TTLL5: variants seen among roughly 807,000 people sequenced by gnomAD.
The protein encoded by TTLL5 is tubulin tyrosine ligase like 5.
Under a neutral mutation model 168.4 loss-of-function variants are expected in TTLL5, and 132 were observed. The observed-to-expected ratio is 0.78, with a 90% CI of 0.68 to 0.91. The LOEUF (loss-of-function observed/expected upper bound fraction) is 0.91. Among genes scored for constraint, TTLL5 ranks in the 40% least tolerant of loss-of-function variants. The pLI, the probability that TTLL5 is intolerant of heterozygous loss-of-function variation, is 0.00. For missense variants in TTLL5, 1,545 were observed against 1,581.5 expected (o/e 0.98, Z 0.39); for synonymous variants, 546 against 558.6 (o/e 0.98, Z 0.32).
intron 31 of TTLL5, among the ~76,000 whole-genome samples, chr14:75,931,998 A>G (rs533584799): frequency 6.6e-6 from 1 of 152,356 alleles, no homozygotes; most frequent in South Asian, 2.1e-4. Context: ...AGTACTGGGC[A>G]TATAGTAGGT....
At chr14:75,804,258 A>G (rs1210899383) in intron 27 of TTLL5, among the ~76,000 whole-genome samples, 1 of 152,234 alleles carries the variant, frequency 6.6e-6, no homozygotes, top group Non-Finnish European at 1.5e-5. Flanking sequence ...TCCTAGAGAA[A>G]GATAGATGCG....
At chr14:75,735,113 G>T in intron 14 of TTLL5, 82 bp from the exon 15 acceptor site, 1 of 1,264,408 alleles carries the variant, frequency 7.9e-7, no homozygotes, top group Non-Finnish European at 1.2e-6. Flanking sequence ...AACTGAGTTT[G>T]TGTATCTAAA....
chr14:75,873,149 T>TTGCAAGCTCCGCCTCCCG (rs1566639978), intron 29 of TTLL5, among the ~76,000 whole-genome samples: 1 of 150,870 alleles, frequency 6.6e-6, no homozygotes, highest in East Asian at 2.0e-4. Context: ...TCTCGGCTCA[T>TTGCAAGCTCCGCCTCCCG]TGCAAGCTCC....
chr14:75,917,160 GA>G (rs1419932546), intron 31 of TTLL5, among the ~76,000 whole-genome samples: 18 of 152,220 alleles, frequency 1.2e-4, no homozygotes, highest in African/African-American at 3.9e-4. Flanking sequence ...CTGTACACTT[GA>G]AATTGTTAGG....
chr14:75,892,759 A>G (rs1243756351), intron 30 of TTLL5, among the ~76,000 whole-genome samples: 1 of 152,174 alleles, frequency 6.6e-6, no homozygotes, highest in Non-Finnish European at 1.5e-5. Flanking sequence ...CTGTCTTTAT[A>G]TGAGACTATG....
intron 30 of TTLL5, among the ~76,000 whole-genome samples, chr14:75,892,702 C>CT (rs762645923): frequency 4.6e-5 from 7 of 152,148 alleles, no homozygotes; most frequent in Non-Finnish European, 7.4e-5. Flanking sequence ...GCAGTGTGCC[C>CT]TCCTAATGGG....
chr14:75,796,459 T>A (rs117378362), intron 27 of TTLL5, among the ~76,000 whole-genome samples: 1,888 of 152,316 alleles, frequency 0.012, 15 homozygotes, highest in South Asian at 0.026. Flanking sequence ...TTGTTTTTGT[T>A]GCATTTGCTT....
chr14:75,925,031 G>C (rs1244695177), intron 31 of TTLL5, among the ~76,000 whole-genome samples: 3 of 148,714 alleles, frequency 2.0e-5, no homozygotes, highest in Non-Finnish European at 4.5e-5. Flanking sequence ...TCCCAGTAGG[G>C]GCGGCCGGGC....
chr14:75,721,109 CT>C (rs1346852329), intron 12 of TTLL5, among the ~76,000 whole-genome samples: 3 of 152,154 alleles, frequency 2.0e-5, no homozygotes, highest in Non-Finnish European at 4.4e-5. Flanking sequence ...ATGACTCCTC[CT>C]TTTTGTTTGA....
In TTLL5 at chr14:75,820,069, C is replaced by G. The variant is rs762894054; in HGVS notation, c.3234C>G (p.Thr1078=). 1 of 1,610,110 alleles carries G rather than the reference C, an allele frequency of 6.2e-7. No homozygotes were observed. Among genetic ancestry groups the G allele is most frequent in the Non-Finnish European group, 8.5e-7 (1 of 1,178,426 alleles). The change falls in exon 28 of 32, where the codon ACC becomes ACG. Residue 1078 remains threonine, a synonymous_variant. Coordinates refer to ENST00000298832, the MANE Select transcript of TTLL5 (RefSeq NM_015072.5). The stretch of plus-strand genomic sequence containing the variant: ...GAAGCAGTGCTTCAGCTCCCCCAAC[C>G]CTCCGACCCATCATCAGTCCTAGTG... The part of the protein sequence containing the change: ...INRSSASAPP[T]LRPIISPSGP...
At chr14:75,664,596 G>GA (rs1402984301) in intron 2 of TTLL5, among the ~76,000 whole-genome samples, 1 of 152,098 alleles carries the variant, frequency 6.6e-6, no homozygotes, top group Non-Finnish European at 1.5e-5. Flanking sequence ...CTTGTAATTT[G>GA]AAAAAAATTG....
chr14:75,718,052 A>G, intron 10 of TTLL5, 90 bp downstream of exon 10: 1 of 1,085,346 alleles, frequency 9.2e-7, no homozygotes, highest in Non-Finnish European at 1.4e-6. Context: ...GCACTGGAGG[A>G]CAACTTTACA....
rs748140679 is a variant in TTLL5 at position 75,735,187 on chromosome 14, C to T, written c.1187-8C>T. On this transcript the variant is annotated splice_region_variant and splice_polypyrimidine_tract_variant and intron_variant, in intron 14 of 31. Coordinates refer to ENST00000298832, the MANE Select transcript of TTLL5 (RefSeq NM_015072.5). ...GGCAGGTTTTAATGTTGCCCATTCC[C>T]CATTCAGGATTTGTGTGCCAAGATC... 1.9e-4 allele frequency: 309 copies of T among 1,614,000 alleles called. No individual in the cohort carries two copies. Among genetic ancestry groups the T allele is most frequent in the Middle Eastern group, 1.7e-3 (10 of 6,060 alleles).
chr14:75,904,267 A>G (rs1282387045), intron 31 of TTLL5: 1 of 1,116,508 alleles, frequency 9.0e-7, no homozygotes, highest in East Asian at 7.6e-5. Flanking sequence ...TATTTTTAAG[A>G]AAGTAAACCT....
intron 12 of TTLL5, chr14:75,727,797 T>A: frequency 2.0e-6 from 1 of 490,384 alleles, no homozygotes; most frequent in Non-Finnish European, 4.1e-6. Context: ...TTATGTGAAA[T>A]TCTAGAATAA....
rs1324798326 is a variant in TTLL5, at chr14:75,681,622, C to CAT, written c.260_261dup (p.Glu88MetfsTer12). 22 of 1,612,828 alleles carry CAT rather than the reference C, an allele frequency of 1.4e-5. No homozygotes were observed. The highest frequency in any genetic ancestry group is 1.8e-5 in the Non-Finnish European group (21 of 1,179,734). On this transcript the variant is annotated frameshift_variant, in exon 4 of 32. Transcript: ENST00000298832. LOFTEE classifies it high-confidence loss of function. Reference sequence around the variant, plus strand: ...CAGCATTCTGACAGCCCATGGATTTCATGAAGTAAGTTTATTTTTAATACC... The same window carrying CAT: ...CAGCATTCTGACAGCCCATGGATTTCATATGAAGTAAGTTTATTTTTAATACC...
chr14:75,941,326 G>A (rs1271980261), intron 31 of TTLL5: 3 of 152,194 alleles, frequency 2.0e-5, no homozygotes, highest in African/African-American at 7.2e-5. Context: ...AAGGTGAGGG[G>A]CAGCAGGTTG....
chr14:75,773,491 G>A (rs7161217), intron 21 of TTLL5, among the ~76,000 whole-genome samples: 115,845 of 152,052 alleles, frequency 0.76, 44,405 homozygotes, highest in Admixed American at 0.81. Context: ...TAACCACTGC[G>A]GATGCTGGCT....
At chr14:75,771,606 G>T in intron 20 of TTLL5, 128 bp from the exon 21 acceptor site, 1 of 1,341,520 alleles carries the variant, frequency 7.5e-7, no homozygotes, top group Non-Finnish European at 1.0e-6. Context: ...CAGGCTGTAA[G>T]ATGGGTTTCA....
Sources: gnomAD v4.1 joint callset for allele counts (sites outside exome capture counted in the v4.1 genomes callset) on GRCh38, gnomAD v4.1.1 for gene constraint, MANE v1.5 for transcripts, NCBI Gene and HGNC (gene_info 2026-07-23, HGNC 2026-07-21) for gene names.